GRM7: variants seen among roughly 807,000 people sequenced by gnomAD.
The protein encoded by GRM7 is metabotropic glutamate receptor 7.
Under a neutral mutation model 84.5 loss-of-function variants are expected in GRM7, and 35 were observed. The observed-to-expected ratio is 0.41, with a 90% CI of 0.32 to 0.55. The LOEUF (loss-of-function observed/expected upper bound fraction) is 0.55, where lower values mean the gene tolerates loss of function less well. Ranked by LOEUF, GRM7 falls within the 20% of genes least tolerant of loss-of-function variation. The pLI is 0.19. For synonymous variants in GRM7, 487 were observed against 455.1 expected (o/e 1.07, Z -0.89); for missense variants, 1,003 against 1,194.6 (o/e 0.84, Z 2.36).
intron 2 of GRM7, among the ~76,000 whole-genome samples, chr3:7,286,871 T>G (rs750786018): frequency 3.3e-5 from 5 of 152,142 alleles, no homozygotes; most frequent in South Asian, 4.1e-4. Context: ...ACAATATCAT[T>G]GAATATGCCA....
rs138725758 is a variant in GRM7, at chr3:6,986,055, G to A, written c.519+124148G>A. Among the ~76,000 whole-genome samples the A allele has an allele frequency of 1.9e-4, 29 of 152,232 alleles. No individual in the cohort carries two copies. In the East Asian group the frequency reaches 5.0e-3, roughly 26 times the overall value. The stretch of plus-strand genomic sequence containing the variant: ...TGAGAGCCTTTGCACGTACCTGGTG[G>A]CCACAGTGGGTATGAAGTTTCGGTA... On this transcript the variant is annotated intron_variant, in intron 1 of 9. Coordinates refer to ENST00000357716, the MANE Select transcript of GRM7 (RefSeq NM_000844.4).
intron 4 of GRM7, among the ~76,000 whole-genome samples, chr3:7,318,709 T>A (rs1354766382): frequency 6.6e-6 from 1 of 152,060 alleles, no homozygotes; most frequent in Non-Finnish European, 1.5e-5. Context: ...GTAGGTTAAT[T>A]GAAATTTTAA....
chr3:7,590,869 A>T (rs1397863078), intron 8 of GRM7, among the ~76,000 whole-genome samples: 1 of 152,078 alleles, frequency 6.6e-6, no homozygotes, highest in Admixed American at 6.6e-5. Flanking sequence ...TGGTTTGTTC[A>T]CGTGTACCTG....
At chr3:6,873,368 C>T (rs955345461) in intron 1 of GRM7, among the ~76,000 whole-genome samples, 3 of 152,228 alleles carry the variant, frequency 2.0e-5, no homozygotes, top group African/African-American at 7.2e-5. Context: ...CCACCTTGGC[C>T]AGCCAGTAAT....
At chr3:7,021,477 T>C (rs1027137221) in intron 1 of GRM7, among the ~76,000 whole-genome samples, 4 of 152,218 alleles carry the variant, frequency 2.6e-5, no homozygotes, top group African/African-American at 9.6e-5. Flanking sequence ...TATGTGGTAA[T>C]TGCTAGAAGA....
At chr3:7,724,943 ATTT>A (rs35753128) in intron 9 of GRM7, among the ~76,000 whole-genome samples, 1 of 151,444 alleles carries the variant, frequency 6.6e-6, no homozygotes, top group African/African-American at 2.4e-5. Context: ...TTTTATTATT[ATTT>A]TTTTTTTATT....
At chr3:7,185,573 T>C (rs1559491139) in intron 2 of GRM7, among the ~76,000 whole-genome samples, 2 of 152,098 alleles carry the variant, frequency 1.3e-5, no homozygotes, top group Non-Finnish European at 2.9e-5. Flanking sequence ...TATTAGAAAG[T>C]AGTGATGTTC....
rs558310529 is a variant in GRM7, at chr3:7,063,729, A to AGTT, written c.520-82723_520-82722insGTT. 1.6e-3 allele frequency among the ~76,000 whole-genome samples: 240 copies of AGTT among 148,688 alleles called. 1 individual carries two copies. The highest frequency in any genetic ancestry group is 5.7e-3 in the African/African-American group (228 of 40,244). On this transcript the variant is annotated intron_variant, in intron 1 of 9. Coordinates refer to ENST00000357716, the MANE Select transcript of GRM7 (RefSeq NM_000844.4). ...TGAAACTCCCAGTTGGGAGAGACCC[A>AGTT]AGGTCACCCCCTATTCCAATGGAGT...
chr3:7,520,079 A>G (rs1184960843), intron 7 of GRM7: 4 of 152,214 alleles, frequency 2.6e-5, no homozygotes, highest in African/African-American at 7.2e-5. Flanking sequence ...TTGGAAAACA[A>G]TATAGCATCA....
intron 7 of GRM7, among the ~76,000 whole-genome samples, chr3:7,537,052 C>G (rs1701270515): frequency 6.6e-6 from 1 of 152,104 alleles, no homozygotes; most frequent in African/African-American, 2.4e-5. Context: ...GGCACAGATG[C>G]TTGAGGAAAG....
chr3:7,319,829 T>G (rs1269425379), intron 4 of GRM7, among the ~76,000 whole-genome samples: 1 of 152,032 alleles, frequency 6.6e-6, no homozygotes, highest in East Asian at 1.9e-4. Flanking sequence ...TGCCTTTGAT[T>G]ATTATTGTTA....
chr3:7,562,001 A>T (rs1686829228), intron 7 of GRM7, among the ~76,000 whole-genome samples: 1 of 151,992 alleles, frequency 6.6e-6, no homozygotes, highest in African/African-American at 2.4e-5. Flanking sequence ...CATCCCCTGA[A>T]CTCGCAACTG....
At chr3:7,209,880 G>A (rs986633246) in intron 2 of GRM7, among the ~76,000 whole-genome samples, 1 of 152,132 alleles carries the variant, frequency 6.6e-6, no homozygotes, top group Non-Finnish European at 1.5e-5. Flanking sequence ...AGGATCAACG[G>A]TCTCGGCAGG....
chr3:7,550,547 TTCTCTCTC>T lies in GRM7; in HGVS notation c.1516-27851_1516-27844del, dbSNP rs113713129. Reference sequence around the variant, plus strand: ...CTTCCTTTTTTTCTTCTCCCTTTTCTTCTCTCTCTCTCTCTCTCTCTCTCTCTCTCTGT... The same window carrying T: ...CTTCCTTTTTTTCTTCTCCCTTTTCTTCTCTCTCTCTCTCTCTCTCTCTGT... On this transcript the variant is annotated intron_variant, in intron 7 of 9. Transcript: ENST00000357716. Among the ~76,000 whole-genome samples, 461 of 103,480 alleles carry T rather than the reference TTCTCTCTC, an allele frequency of 4.5e-3. 7 individuals carry two copies. The highest frequency in any genetic ancestry group is 0.015 in the African/African-American group (328 of 22,344). The allele number at this position is 103,480 out of a possible 152,430, so 67.9% of individuals were successfully genotyped here. A position where few individuals can be genotyped will look rare whatever the true frequency, so the allele number is the denominator to read the frequency against.
At chr3:7,409,436 T>G (rs13065367) in intron 4 of GRM7, among the ~76,000 whole-genome samples, 6,174 of 145,906 alleles carry the variant, frequency 0.042, 128 homozygotes, top group South Asian at 0.083. Flanking sequence ...TCTCTTTTTT[T>G]GGGGGGTGGG....
rs1437344921 is a variant in GRM7, at chr3:7,670,197, A to T, written c.2452-9852A>T. On this transcript the variant is annotated intron_variant, in intron 8 of 9. Coordinates refer to ENST00000357716, the MANE Select transcript of GRM7 (RefSeq NM_000844.4). Reference sequence around the variant, plus strand: ...GTGGTGATCATGGAAAGGCAGGAAAACAAAGACATATACAGAGAAAAGTGT... The same window carrying T: ...GTGGTGATCATGGAAAGGCAGGAAATCAAAGACATATACAGAGAAAAGTGT... Among the ~76,000 whole-genome samples the T allele has an allele frequency of 3.3e-5, 5 of 152,204 alleles. No homozygotes were observed. In the South Asian group the frequency reaches 8.3e-4, roughly 25 times the overall value.
intron 8 of GRM7, among the ~76,000 whole-genome samples, chr3:7,628,454 A>G (rs1247183301): frequency 6.6e-6 from 1 of 152,194 alleles, no homozygotes; most frequent in African/African-American, 2.4e-5. Flanking sequence ...TCTCAATTAC[A>G]TATTTAAAAC....
intron 7 of GRM7, among the ~76,000 whole-genome samples, chr3:7,494,892 T>G (rs1265418521): frequency 6.6e-6 from 1 of 152,212 alleles, no homozygotes; most frequent in Non-Finnish European, 1.5e-5. Flanking sequence ...TGATGGCTGT[T>G]TTAAAACCTT....
At chr3:7,235,436 G>A (rs1384634635) in intron 2 of GRM7, among the ~76,000 whole-genome samples, 2 of 152,102 alleles carry the variant, frequency 1.3e-5, no homozygotes, top group African/African-American at 4.8e-5. Flanking sequence ...CCACCAATAA[G>A]GAATTTTCTG....
Sources: allele counts gnomAD v4.1 joint callset (sites outside exome capture counted in the v4.1 genomes callset), GRCh38; gene constraint gnomAD v4.1.1; transcripts MANE v1.5; gene names NCBI Gene and HGNC (gene_info 2026-07-23, HGNC 2026-07-21).